Variants in ACTR3C observed in about 807,000 individuals in gnomAD.
The protein encoded by ACTR3C is actin related protein 3C, also known as actin-related protein 3C.
ACTR3C carries 18 observed loss-of-function variants against 26.3 expected under a neutral mutation model. The observed-to-expected ratio is 0.68, with a 90% confidence interval of 0.47 to 1.01. The LOEUF is 1.01. Ranked by LOEUF, ACTR3C falls within the 50% of genes least tolerant of loss-of-function variation. The pLI is 0.00. For synonymous variants in ACTR3C, 55 were observed against 94.5 expected, an observed-to-expected ratio of 0.58 and a Z score of 2.42; for missense variants, 184 against 250.7, an observed-to-expected ratio of 0.73 and a Z score of 1.80.
intron 1 of ACTR3C, among the ~76,000 whole-genome samples, chr7:150,313,453 A>G (rs999726567): frequency 6.6e-6 from 1 of 152,252 alleles, no homozygotes; most frequent in Non-Finnish European, 1.5e-5. Context: ...GGGATTGTGG[A>G]GACCAAGGTT....
At chr7:150,291,217 A>C (rs71537948) in intron 3 of ACTR3C, among the ~76,000 whole-genome samples, 3 of 151,936 alleles carry the variant, frequency 2.0e-5, no homozygotes, top group Non-Finnish European at 4.4e-5. Flanking sequence ...GATCACCTGA[A>C]GTCGGCAGTT....
chr7:150,265,518 AC>A (rs1184029521), intron 6 of ACTR3C, among the ~76,000 whole-genome samples: 1 of 152,048 alleles, frequency 6.6e-6, no homozygotes, highest in Non-Finnish European at 1.5e-5. Flanking sequence ...ACATGGTGAA[AC>A]CCCATCTCTA....
the ACTR3C span, among the ~76,000 whole-genome samples, chr7:150,081,860 T>G: frequency 2.0e-5 from 3 of 151,616 alleles, no homozygotes; most frequent in Non-Finnish European, 4.4e-5. Flanking sequence ...CAGGAGGCCC[T>G]GGGTCTCTTC....
At chr7:150,176,573 C>T in the ACTR3C span, among the ~76,000 whole-genome samples, 3 of 150,832 alleles carry the variant, frequency 2.0e-5, no homozygotes, top group Non-Finnish European at 4.4e-5. Flanking sequence ...AATACCTCTC[C>T]GGTTGTTTCA....
the ACTR3C span, among the ~76,000 whole-genome samples, chr7:150,069,730 A>C: frequency 6.6e-6 from 1 of 152,186 alleles, no homozygotes; most frequent in Non-Finnish European, 1.5e-5. Context: ...TGGGGAGTCC[A>C]GAAGAGGGGG....
chr7:149,918,557 G>A, the ACTR3C span, among the ~76,000 whole-genome samples: 2 of 152,188 alleles, frequency 1.3e-5, no homozygotes, highest in Non-Finnish European at 2.9e-5. Context: ...AGGTGCGGTG[G>A]CGCATGCCTG....
chr7:150,253,387 G>C (rs1233462127), intron 6 of ACTR3C, among the ~76,000 whole-genome samples: 2 of 152,042 alleles, frequency 1.3e-5, no homozygotes, highest in East Asian at 3.8e-4. Context: ...AGCTGTTTGG[G>C]GTTTTTGTTT....
chr7:150,117,297 C>A, the ACTR3C span, among the ~76,000 whole-genome samples: 2 of 152,232 alleles, frequency 1.3e-5, no homozygotes, highest in Non-Finnish European at 2.9e-5. Context: ...CAGCGGAGCC[C>A]ATCTCCATGG....
chr7:150,169,570 T>C, the ACTR3C span, among the ~76,000 whole-genome samples: 1 of 150,230 alleles, frequency 6.7e-6, no homozygotes, highest in Non-Finnish European at 1.5e-5. Flanking sequence ...AAAAAATGAA[T>C]GCTGTTGAAG....
the ACTR3C span, among the ~76,000 whole-genome samples, chr7:150,039,746 T>C: frequency 7.9e-6 from 1 of 127,328 alleles, no homozygotes; most frequent in Non-Finnish European, 1.7e-5. Flanking sequence ...GGGGGGTGCC[T>C]CCCCCTCCTG....
At chr7:149,896,234 C>T in the ACTR3C span, among the ~76,000 whole-genome samples, 1 of 152,204 alleles carries the variant, frequency 6.6e-6, no homozygotes, top group African/African-American at 2.4e-5. Flanking sequence ...CTAATTTCTT[C>T]AAACAGTCCA....
the ACTR3C span, among the ~76,000 whole-genome samples, chr7:150,016,323 G>T: frequency 6.6e-6 from 1 of 152,208 alleles, no homozygotes; most frequent in African/African-American, 2.4e-5. Flanking sequence ...AGGTATAGAT[G>T]GATGTAGAAA....
chr7:150,018,574 C>T, the ACTR3C span, among the ~76,000 whole-genome samples: 1 of 149,980 alleles, frequency 6.7e-6, no homozygotes, highest in Non-Finnish European at 1.5e-5. Context: ...CAAGCGAAAA[C>T]ACAGTTGCTA....
the ACTR3C span, among the ~76,000 whole-genome samples, chr7:149,999,655 T>C: frequency 1.3e-5 from 2 of 151,550 alleles, no homozygotes; most frequent in Non-Finnish European, 2.9e-5. Flanking sequence ...GTGACTCACA[T>C]TGCAGGAAAA....
the ACTR3C span, among the ~76,000 whole-genome samples, chr7:150,052,913 A>G: frequency 2.0e-4 from 18 of 90,260 alleles, 5 homozygotes; most frequent in Non-Finnish European, 4.2e-4. Context: ...GCCTTCATGC[A>G]TGTCCCTTCT....
the ACTR3C span, among the ~76,000 whole-genome samples, chr7:150,021,409 G>A: frequency 1.3e-4 from 19 of 151,142 alleles, no homozygotes; most frequent in Non-Finnish European, 8.8e-5. Flanking sequence ...GGAGGTGTAG[G>A]TTCTGGTACA....
the ACTR3C span, among the ~76,000 whole-genome samples, chr7:150,141,580 T>C: frequency 1.3e-5 from 2 of 151,792 alleles, no homozygotes; most frequent in Non-Finnish European, 2.9e-5. Flanking sequence ...TTTCCCTTAG[T>C]GACCAGAAGC....
the ACTR3C span, among the ~76,000 whole-genome samples, chr7:150,228,793 A>G: frequency 1.4e-4 from 21 of 150,426 alleles, no homozygotes; most frequent in Non-Finnish European, 3.1e-4. Flanking sequence ...AAAAATTTAA[A>G]AATACATAGT....
chr7:149,890,564 GGCAGTTGGTT>G, the ACTR3C span, among the ~76,000 whole-genome samples: 2 of 151,494 alleles, frequency 1.3e-5, no homozygotes, highest in Non-Finnish European at 2.9e-5. Flanking sequence ...AACTAAAGTA[GGCAGTTGGTT>G]TATCCAAATC....
Sources: allele counts gnomAD v4.1 joint callset (sites outside exome capture counted in the v4.1 genomes callset), GRCh38; gene constraint gnomAD v4.1.1; transcripts MANE v1.5; gene names NCBI Gene and HGNC (gene_info 2026-07-23, HGNC 2026-07-21).